Variants in PTPRM observed in about 807,000 individuals in gnomAD.
The protein encoded by PTPRM is protein tyrosine phosphatase receptor type M, also known as receptor-type tyrosine-protein phosphatase mu.
A neutral mutation model predicts 186.7 loss-of-function variants in PTPRM; 47 were observed. The ratio of observed to expected loss-of-function variants is 0.25; its 90% confidence interval spans 0.20 to 0.32. PTPRM has a LOEUF of 0.32. Ranked by LOEUF, PTPRM falls within the 10% of genes least tolerant of loss-of-function variation. PTPRM has a pLI of 1.00. For missense variants in PTPRM, 1,494 were observed against 1,865.0 expected (o/e 0.80, Z 3.66); for synonymous variants, 668 against 674.9 (o/e 0.99, Z 0.16).
chr18:8,367,470 T>C (rs2095638087), intron 23 of PTPRM, among the ~76,000 whole-genome samples: 1 of 152,260 alleles, frequency 6.6e-6, no homozygotes, highest in Non-Finnish European at 1.5e-5. Context: ...GACGGTGTTT[T>C]CTTTTCATTG....
intron 1 of PTPRM, among the ~76,000 whole-genome samples, chr18:7,733,481 A>G (rs1312040856): frequency 1.3e-5 from 2 of 152,112 alleles, no homozygotes; most frequent in African/African-American, 4.8e-5. Flanking sequence ...TATTCAGTCT[A>G]TCAATGATAG....
chr18:7,889,311 G>A (rs2048939091), intron 3 of PTPRM, among the ~76,000 whole-genome samples: 1 of 147,450 alleles, frequency 6.8e-6, no homozygotes, highest in Non-Finnish European at 1.5e-5. Flanking sequence ...TACGGGGTTT[G>A]CAAATATATT....
At chr18:7,634,690 A>ATAAC (rs1329240852) in intron 1 of PTPRM, among the ~76,000 whole-genome samples, 1 of 152,166 alleles carries the variant, frequency 6.6e-6, no homozygotes, top group Non-Finnish European at 1.5e-5. Flanking sequence ...ATTCTTGTAA[A>ATAAC]ATCCTTGACG....
chr18:7,872,614 C>T (rs185788044), intron 2 of PTPRM, among the ~76,000 whole-genome samples: 18 of 152,232 alleles, frequency 1.2e-4, no homozygotes, highest in Middle Eastern at 3.4e-3. Context: ...ATTTCCTTGT[C>T]GGCAACAATA....
At chr18:7,608,711 G>A (rs907358746) in intron 1 of PTPRM, among the ~76,000 whole-genome samples, 1 of 152,184 alleles carries the variant, frequency 6.6e-6, no homozygotes, top group Non-Finnish European at 1.5e-5. Flanking sequence ...CCATTCTTGA[G>A]CCATGCTGAC....
At chr18:7,641,260 A>C (rs1406444186) in intron 1 of PTPRM, among the ~76,000 whole-genome samples, 1 of 152,170 alleles carries the variant, frequency 6.6e-6, no homozygotes. Flanking sequence ...AAATATGTTC[A>C]GTAAGTATGT....
intron 14 of PTPRM, among the ~76,000 whole-genome samples, chr18:8,210,703 T>G (rs1204305205): frequency 1.3e-5 from 2 of 152,178 alleles, no homozygotes; most frequent in Non-Finnish European, 2.9e-5. Flanking sequence ...AAATAAAATT[T>G]GGAGTTTTCA....
At chr18:8,182,209 A>T (rs921494657) in intron 14 of PTPRM, among the ~76,000 whole-genome samples, 5 of 151,902 alleles carry the variant, frequency 3.3e-5, no homozygotes, top group Admixed American at 3.3e-4. Flanking sequence ...ATTTTTATTT[A>T]TTTTATTTTA....
At chr18:7,725,963 G>T (rs2040540410) in intron 1 of PTPRM, among the ~76,000 whole-genome samples, 1 of 152,150 alleles carries the variant, frequency 6.6e-6, no homozygotes, top group African/African-American at 2.4e-5. Context: ...GGGCACTGTT[G>T]CACTTCCTCT....
chr18:7,812,256 T>G (rs1052823622), intron 2 of PTPRM, among the ~76,000 whole-genome samples: 6 of 152,200 alleles, frequency 3.9e-5, no homozygotes, highest in Admixed American at 3.9e-4. Flanking sequence ...GGTTTTCAAG[T>G]GACTTCTGAC....
intron 14 of PTPRM, among the ~76,000 whole-genome samples, chr18:8,178,148 G>A (rs558907852): frequency 7.2e-4 from 110 of 152,318 alleles, no homozygotes; most frequent in African/African-American, 2.6e-3. Flanking sequence ...ATTCTAGTAT[G>A]TGCCTAGAAT....
intron 3 of PTPRM, among the ~76,000 whole-genome samples, chr18:7,894,014 A>AAAACAAAC (rs376034875): frequency 6.6e-6 from 1 of 152,168 alleles, no homozygotes. Flanking sequence ...GACAAAAAAC[A>AAAACAAAC]AAACAAACAA....
At chr18:7,629,343 A>G (rs2038136523) in intron 1 of PTPRM, among the ~76,000 whole-genome samples, 1 of 152,162 alleles carries the variant, frequency 6.6e-6, no homozygotes, top group African/African-American at 2.4e-5. Context: ...GTTGATGATC[A>G]TTTAGATCAG....
chr18:7,865,700 A>G (rs1225775686), intron 2 of PTPRM, among the ~76,000 whole-genome samples: 2 of 152,208 alleles, frequency 1.3e-5, no homozygotes, highest in Non-Finnish European at 2.9e-5. Flanking sequence ...CCGGCCTCAT[A>G]AAATGAGTTA....
chr18:7,595,476 G>A (rs2037233092), intron 1 of PTPRM, among the ~76,000 whole-genome samples: 1 of 152,094 alleles, frequency 6.6e-6, no homozygotes, highest in Admixed American at 6.5e-5. Flanking sequence ...ATTTTGTTCT[G>A]GCATAGTTAA....
At chr18:8,063,338 G>A (rs1337243199) in intron 7 of PTPRM, among the ~76,000 whole-genome samples, 13 of 151,026 alleles carry the variant, frequency 8.6e-5, no homozygotes, top group Non-Finnish European at 1.8e-4. Context: ...ACTGGCCTGC[G>A]CCCACTGTCT....
Position 8,353,870 on chromosome 18 carries a change from A to G in PTPRM, c.3054+10350A>G, listed in dbSNP as rs1004234452. Among the ~76,000 whole-genome samples, 2 of 152,212 alleles carry G rather than the reference A, an allele frequency of 1.3e-5. 1 individual carries two copies. The highest frequency in any genetic ancestry group is 4.1e-4 in the South Asian group (2 of 4,826). On this transcript the variant is annotated intron_variant, in intron 23 of 32. Coordinates refer to ENST00000580170, the MANE Select transcript of PTPRM (RefSeq NM_001105244.2). The stretch of plus-strand genomic sequence containing the variant: ...GGCTTTGGCTGCACTGAGGATATCA[A>G]GATGAAAAGACATGGCACAAACTAT...
At chr18:7,784,695 TA>T (rs1380152796) in intron 2 of PTPRM, among the ~76,000 whole-genome samples, 2 of 152,240 alleles carry the variant, frequency 1.3e-5, no homozygotes, top group Non-Finnish European at 2.9e-5. Context: ...TTCTCCTGAA[TA>T]AAACAGTAAA....
rs141536255 is a variant in PTPRM, at chr18:7,825,553, C to G, written c.196+51282C>G. ...AAAGGATGTGAGGGAGGAGAAGACA[C>G]AGGTTTGGAAGGTGGATAATTGGGC... On this transcript the variant is annotated intron_variant, in intron 2 of 32. Transcript: ENST00000580170. Among the ~76,000 whole-genome samples the G allele has an allele frequency of 2.7e-3, 411 of 152,180 alleles. 2 individuals carry two copies. The highest frequency in any genetic ancestry group is 9.4e-3 in the African/African-American group (391 of 41,512).
Sources: allele counts gnomAD v4.1 joint callset (sites outside exome capture counted in the v4.1 genomes callset), GRCh38; gene constraint gnomAD v4.1.1; transcripts MANE v1.5; gene names NCBI Gene and HGNC (gene_info 2026-07-23, HGNC 2026-07-21).